B3GALT1: variants seen among roughly 807,000 people sequenced by gnomAD.
B3GALT1 encodes the protein UDP-Gal:betaGlcNAc beta 1,3-galactosyltransferase, polypeptide 1.
B3GALT1 carries 10 observed loss-of-function variants against 23.2 expected under a neutral mutation model. The ratio of observed to expected loss-of-function variants is 0.43; its 90% CI spans 0.27 to 0.73. B3GALT1 has a LOEUF of 0.73. Ranked by LOEUF, B3GALT1 falls within the 30% of genes least tolerant of loss-of-function variation. B3GALT1 has a pLI of 0.21. For missense variants in B3GALT1, 299 were observed against 405.4 expected, an observed-to-expected ratio of 0.74 and a Z score of 2.25; for synonymous variants, 156 against 141.5, an observed-to-expected ratio of 1.10 and a Z score of -0.73.
intron 2 of B3GALT1, among the ~76,000 whole-genome samples, chr2:167,565,571 A>C (rs192143649): frequency 5.3e-5 from 8 of 152,346 alleles, no homozygotes; most frequent in Admixed American, 5.2e-4. Context: ...TGAACAGGCA[A>C]CCTACAAAAT....
chr2:167,624,568 G>T (rs554215411), intron 2 of B3GALT1, among the ~76,000 whole-genome samples: 5 of 152,138 alleles, frequency 3.3e-5, no homozygotes, highest in South Asian at 4.1e-4. Context: ...TAAGTACCTT[G>T]CCCAAGGTCA....
At chr2:167,411,378 C>CAAAAAAAAAAAAAA (rs60719828) in intron 1 of B3GALT1, among the ~76,000 whole-genome samples, 1 of 136,552 alleles carries the variant, frequency 7.3e-6, no homozygotes, top group Non-Finnish European at 1.6e-5. Context: ...AACAAAAAAC[C>CAAAAAAAAAAAAAA]AAAAAAAAAA....
chr2:167,326,313 G>A (rs951863364), intron 1 of B3GALT1, among the ~76,000 whole-genome samples: 6 of 151,042 alleles, frequency 4.0e-5, no homozygotes, highest in Non-Finnish European at 8.8e-5. Flanking sequence ...GTTGTTTGAG[G>A]TCCCTGTATA....
At chr2:167,305,774 C>T (rs574841128) in intron 1 of B3GALT1, among the ~76,000 whole-genome samples, 1 of 152,138 alleles carries the variant, frequency 6.6e-6, no homozygotes, top group South Asian at 2.1e-4. Context: ...CTATCTTGAC[C>T]ACAAAGATAG....
chr2:167,351,955 ATTTTTTTTTTTT>A (rs71031283), intron 1 of B3GALT1, among the ~76,000 whole-genome samples: 1 of 134,280 alleles, frequency 7.4e-6, no homozygotes, highest in Non-Finnish European at 1.5e-5. Flanking sequence ...GCTGTTTTTG[ATTTTTTTTTTTT>A]TTTTTTTTTT....
At position 167,765,827 on chromosome 2, in the gene B3GALT1, G is replaced by A. The variant is rs191726161; in HGVS notation, c.-351-52845G>A. Among the ~76,000 whole-genome samples the A allele has an allele frequency of 1.4e-3, 218 of 152,208 alleles. 2 individuals carry two copies. Among genetic ancestry groups the A allele is most frequent in the African/African-American group, 4.9e-3 (203 of 41,546 alleles). On this transcript the variant is annotated intron_variant, in intron 3 of 4. Coordinates refer to ENST00000392690, the MANE Select transcript of B3GALT1 (RefSeq NM_020981.4). ...TTGACTCTCTAAAGTGTATTATACC[G>A]ATAAACCTTATAACACCATAATAAG...
intron 2 of B3GALT1, among the ~76,000 whole-genome samples, chr2:167,632,320 T>A (rs1685463858): frequency 6.6e-6 from 1 of 152,126 alleles, no homozygotes; most frequent in African/African-American, 2.4e-5. Flanking sequence ...AGTGATGGGA[T>A]TGCTGAGTCA....
At chr2:167,494,999 A>G (rs979234571) in intron 2 of B3GALT1, among the ~76,000 whole-genome samples, 1 of 152,188 alleles carries the variant, frequency 6.6e-6, no homozygotes, top group African/African-American at 2.4e-5. Context: ...GTCTTCAGGA[A>G]TTTCTGTAAT....
chr2:167,430,344 G>GT (rs1202279934), intron 1 of B3GALT1, among the ~76,000 whole-genome samples: 3 of 152,188 alleles, frequency 2.0e-5, no homozygotes, highest in Non-Finnish European at 4.4e-5. Context: ...GTAGGACCTT[G>GT]TAAACACCTT....
chr2:167,354,028 G>T (rs939319991), intron 1 of B3GALT1, among the ~76,000 whole-genome samples: 1 of 152,074 alleles, frequency 6.6e-6, no homozygotes, highest in Admixed American at 6.6e-5. Context: ...GTTCTGTAAA[G>T]ATGCTACCAT....
intron 3 of B3GALT1, among the ~76,000 whole-genome samples, chr2:167,717,478 T>C (rs1687169326): frequency 8.5e-6 from 1 of 117,996 alleles, no homozygotes; most frequent in Non-Finnish European, 1.8e-5. Flanking sequence ...CATGTTGTTA[T>C]ACATAGTTTT....
chr2:167,784,190 A>C (rs568327766), intron 3 of B3GALT1, among the ~76,000 whole-genome samples: 72 of 152,338 alleles, frequency 4.7e-4, no homozygotes, highest in African/African-American at 1.6e-3. Flanking sequence ...CCTGAAGCTG[A>C]ATCATCAGAA....
intron 2 of B3GALT1, among the ~76,000 whole-genome samples, chr2:167,492,378 T>A (rs971728326): frequency 6.6e-6 from 1 of 151,816 alleles, no homozygotes; most frequent in African/African-American, 2.4e-5. Context: ...CCCATTTACC[T>A]AATGAAGAAT....
intron 1 of B3GALT1, among the ~76,000 whole-genome samples, chr2:167,446,508 A>T (rs573958409): frequency 6.6e-6 from 1 of 152,274 alleles, no homozygotes; most frequent in East Asian, 1.9e-4. Context: ...CACCAGTCAG[A>T]CATAGATTTG....
At chr2:167,575,288 G>T (rs1684361176) in intron 2 of B3GALT1, among the ~76,000 whole-genome samples, 1 of 151,764 alleles carries the variant, frequency 6.6e-6, no homozygotes, top group South Asian at 2.1e-4. Context: ...CTTAAGCCTG[G>T]ATATGGATGT....
At chr2:167,534,299 C>G (rs1683379875) in intron 2 of B3GALT1, among the ~76,000 whole-genome samples, 1 of 152,158 alleles carries the variant, frequency 6.6e-6, no homozygotes. Context: ...CGTAACTCCT[C>G]TTTTATATTT....
chr2:167,448,454 G>C (rs564106269), intron 1 of B3GALT1, among the ~76,000 whole-genome samples: 56 of 152,042 alleles, frequency 3.7e-4, no homozygotes, highest in South Asian at 8.3e-4. Context: ...AATTTTTGAT[G>C]GGATTGTTGG....
intron 4 of B3GALT1, among the ~76,000 whole-genome samples, chr2:167,855,235 TAAG>T (rs753044127): frequency 4.6e-5 from 7 of 152,182 alleles, no homozygotes; most frequent in African/African-American, 9.6e-5. Context: ...TTAAAGGAAA[TAAG>T]AAAATAAATT....
chr2:167,745,777 G>A (rs1348979406), intron 3 of B3GALT1, among the ~76,000 whole-genome samples: 1 of 152,052 alleles, frequency 6.6e-6, no homozygotes, highest in African/African-American at 2.4e-5. Flanking sequence ...TTATTCTACT[G>A]ACGTATAGTG....
Sources: gnomAD v4.1 joint callset for allele counts (sites outside exome capture counted in the v4.1 genomes callset) on GRCh38, gnomAD v4.1.1 for gene constraint, MANE v1.5 for transcripts, NCBI Gene and HGNC (gene_info 2026-07-23, HGNC 2026-07-21) for gene names.